The following GSKIP variants were observed in gnomAD, a reference collection of about 807,000 sequenced individuals.
The protein encoded by GSKIP is GSK3B interacting protein.
A neutral mutation model predicts 11.9 loss-of-function variants in GSKIP; 5 were observed. The ratio of observed to expected loss-of-function variants is 0.42; its 90% CI spans 0.22 to 0.89. The LOEUF is 0.89. GSKIP is among the 40% of genes least tolerant of loss of function. The pLI is 0.29. For synonymous variants in GSKIP, 70 were observed against 62.9 expected (o/e 1.11, Z -0.54); for missense variants, 150 against 166.6 (o/e 0.90, Z 0.55).
At chr14:96,369,728 T>C (rs1888992881) in intron 1 of GSKIP, among the ~76,000 whole-genome samples, 2 of 152,014 alleles carry the variant, frequency 1.3e-5, no homozygotes, top group Admixed American at 1.3e-4. Context: ...GATTTTAGAT[T>C]TTAGATTTTA....
At chr14:96,367,827 C>T (rs1414191404) in intron 1 of GSKIP, among the ~76,000 whole-genome samples, 1 of 152,188 alleles carries the variant, frequency 6.6e-6, no homozygotes, top group Admixed American at 6.5e-5. Flanking sequence ...AACTTTACAT[C>T]AGGTGATACA....
chr14:96,374,838 A>G (rs1036527790), intron 1 of GSKIP, among the ~76,000 whole-genome samples: 6 of 152,226 alleles, frequency 3.9e-5, no homozygotes, highest in Non-Finnish European at 7.3e-5. Context: ...GAAGTTATTC[A>G]GGCAGAAGGA....
chr14:96,382,535 ATTAT>A, intron 3 of GSKIP, 30 bp downstream of exon 3: 2 of 1,549,864 alleles, frequency 1.3e-6, no homozygotes, highest in Non-Finnish European at 8.8e-7. Context: ...AGAAAAAAAA[ATTAT>A]TTATGTCTTT....
intron 3 of GSKIP, among the ~76,000 whole-genome samples, chr14:96,383,133 G>C (rs1374725429): frequency 6.6e-6 from 1 of 152,152 alleles, no homozygotes; most frequent in African/African-American, 2.4e-5. Context: ...CTATAGGCCA[G>C]ACCTGCGGGC....
chr14:96,380,284 A>AT (rs1466336549), intron 2 of GSKIP: 1 of 152,234 alleles, frequency 6.6e-6, no homozygotes, highest in Non-Finnish European at 1.5e-5. Flanking sequence ...TACATTATAC[A>AT]TTTGCTATGT....
intron 1 of GSKIP, among the ~76,000 whole-genome samples, chr14:96,368,184 C>CT (rs398057422): frequency 0.21 from 28,627 of 133,358 alleles, 3,085 homozygotes; most frequent in Middle Eastern, 0.23. Context: ...TATTGCTACT[C>CT]TTTTTTTTTT....
At chr14:96,380,960 GATAGGAAATGA>G (rs1231908674) in intron 2 of GSKIP, among the ~76,000 whole-genome samples, 3 of 152,212 alleles carry the variant, frequency 2.0e-5, no homozygotes, top group African/African-American at 7.2e-5. Context: ...TGCCCAAGTA[GATAGGAAATGA>G]ATGTTGATTG....
intron 1 of GSKIP, among the ~76,000 whole-genome samples, chr14:96,372,536 A>G (rs2076795053): frequency 6.6e-6 from 1 of 152,262 alleles, no homozygotes; most frequent in African/African-American, 2.4e-5. Flanking sequence ...TTTTAAGTTA[A>G]AAACATGGAT....
intron 1 of GSKIP, among the ~76,000 whole-genome samples, chr14:96,367,506 G>A (rs1888920043): frequency 6.6e-6 from 1 of 152,196 alleles, no homozygotes; most frequent in Middle Eastern, 3.2e-3. Context: ...CTTTCAAAGT[G>A]AAAATTTGCA....
intron 1 of GSKIP, among the ~76,000 whole-genome samples, chr14:96,377,755 C>T (rs553836944): frequency 6.6e-6 from 1 of 152,252 alleles, no homozygotes; most frequent in East Asian, 1.9e-4. Context: ...TGGTTTTTGG[C>T]TCTTTTCAAA....
rs111503774 is a variant in GSKIP at position 96,375,667 on chromosome 14, C to T, written c.-102-4021C>T. Among the ~76,000 whole-genome samples, 953 of 152,202 alleles carry T rather than the reference C, an allele frequency of 6.3e-3. 14 individuals are homozygous for T. The highest frequency in any genetic ancestry group is 0.022 in the African/African-American group (905 of 41,536). ...CAGGCTGGTCTCGAACTCCTGACCT[C>T]GTGATCCACCCACCTCATTCTCCCA... is the stretch of plus-strand genomic sequence containing the variant. On this transcript the variant is annotated intron_variant, in intron 1 of 3. Coordinates refer to ENST00000555181, the MANE Select transcript of GSKIP (RefSeq NM_016472.5).
intron 1 of GSKIP, among the ~76,000 whole-genome samples, chr14:96,378,360 A>G (rs1484036466): frequency 6.6e-6 from 1 of 152,178 alleles, no homozygotes; most frequent in African/African-American, 2.4e-5. Flanking sequence ...AAAAAGGAAG[A>G]GCAGAAAAAG....
rs564748236 is a variant in GSKIP at position 96,377,307 on chromosome 14, T to G, written c.-102-2381T>G. Among the ~76,000 whole-genome samples, 109 of 152,330 alleles carry G rather than the reference T, an allele frequency of 7.2e-4. 1 individual carries two copies. The South Asian group carries it at 0.022, about 30-fold the overall frequency. On this transcript the variant is annotated intron_variant, in intron 1 of 3. Transcript: ENST00000555181. ...ATTTCTTATATGATGATAAATTGTT[T>G]TGTGTACAAAAAGGGAAAGCAAAGA...
chr14:96,384,599 A>G (rs937739568), intron 3 of GSKIP: 1 of 151,758 alleles, frequency 6.6e-6, no homozygotes, highest in Non-Finnish European at 1.5e-5. Context: ...CTGTGTTCAC[A>G]GGAAAAAAAA....
chr14:96,381,633 A>T (rs1484515200), intron 2 of GSKIP, among the ~76,000 whole-genome samples: 1 of 152,202 alleles, frequency 6.6e-6, no homozygotes, highest in African/African-American at 2.4e-5. Context: ...TGATCTTAGA[A>T]CTAAAACTAT....
intron 1 of GSKIP, chr14:96,364,693 C>T (rs1888818490): frequency 6.6e-6 from 1 of 152,108 alleles, no homozygotes. Flanking sequence ...ACTTAGATTC[C>T]CTTGCTCTTC....
intron 3 of GSKIP, among the ~76,000 whole-genome samples, chr14:96,383,503 T>C (rs1253569519): frequency 6.6e-6 from 1 of 152,238 alleles, no homozygotes; most frequent in Non-Finnish European, 1.5e-5. Flanking sequence ...ATCTTCAGTC[T>C]TAGAAAATGT....
chr14:96,385,484 A>ATG, intron 3 of GSKIP, 39 bp from the exon 4 acceptor site: 3 of 1,558,658 alleles, frequency 1.9e-6, no homozygotes, highest in Non-Finnish European at 2.6e-6. Context: ...CTGTACCAAC[A>ATG]TGAAAACTAA....
chr14:96,364,966 C>A (rs936718175), intron 1 of GSKIP: 1 of 149,128 alleles, frequency 6.7e-6, no homozygotes, highest in South Asian at 2.1e-4. Flanking sequence ...CCACTGCACT[C>A]CAGCCTGAAC....
Sources: allele counts gnomAD v4.1 joint callset (sites outside exome capture counted in the v4.1 genomes callset), GRCh38; gene constraint gnomAD v4.1.1; transcripts MANE v1.5; gene names NCBI Gene and HGNC (gene_info 2026-07-23, HGNC 2026-07-21).